The following METTL25 variants were observed in gnomAD, a reference collection of about 807,000 sequenced individuals.
METTL25 encodes methyltransferase like 25.
Under a neutral mutation model 71.6 loss-of-function variants are expected in METTL25, and 64 were observed. That is an observed-to-expected ratio of 0.89 (90% confidence interval 0.73 to 1.10). The LOEUF is 1.10. Among genes scored for constraint, METTL25 ranks in the 50% least tolerant of loss-of-function variants. The pLI is 0.00. For synonymous variants in METTL25, 287 were observed against 250.3 expected (o/e 1.15, Z -1.38); for missense variants, 807 against 707.0 (o/e 1.14, Z -1.60).
rs61995926 is a variant in METTL25, at chr12:82,398,892, C to G, written c.629C>G (p.Thr210Ser). ...VYGIDSSNTN[T>S]HGAEERNRKL... ...GGAATTGATTCTTCAAATACCAATA[C>G]TCATGGAGCTGAGGAGAGAAACAGA... Residue 210 changes from threonine to serine, a missense_variant, in exon 4 of 12, where the codon ACT becomes AGT. Physicochemically the swap from Thr to Ser is moderately conservative, Grantham distance 58. Transcript: ENST00000248306. 1 of 1,611,620 alleles carries G rather than the reference C, an allele frequency of 6.2e-7. No individual in the cohort carries two copies. Among genetic ancestry groups the G allele is most frequent in the Non-Finnish European group, 8.5e-7 (1 of 1,179,176 alleles).
chr12:82,381,696 C>T (rs1026075328), intron 1 of METTL25, among the ~76,000 whole-genome samples: 7 of 152,192 alleles, frequency 4.6e-5, no homozygotes, highest in Non-Finnish European at 1.0e-4. Context: ...CAGACTTTAG[C>T]TTTCGGTTAA....
At chr12:82,427,468 C>T (rs1889122740) in intron 5 of METTL25, among the ~76,000 whole-genome samples, 1 of 151,868 alleles carries the variant, frequency 6.6e-6, no homozygotes, top group African/African-American at 2.4e-5. Flanking sequence ...ATGCTGTACC[C>T]CTTTCAATCT....
At chr12:82,418,718 A>G (rs1212506918) in intron 5 of METTL25, among the ~76,000 whole-genome samples, 2 of 152,180 alleles carry the variant, frequency 1.3e-5, no homozygotes, top group East Asian at 1.9e-4. Flanking sequence ...AATATGTACC[A>G]TAGATTGAGG....
intron 8 of METTL25, among the ~76,000 whole-genome samples, chr12:82,447,291 A>G (rs978611506): frequency 6.6e-6 from 1 of 152,176 alleles, no homozygotes; most frequent in Non-Finnish European, 1.5e-5. Context: ...AAACTTTTAC[A>G]AGAATGATCA....
intron 5 of METTL25, among the ~76,000 whole-genome samples, chr12:82,428,986 C>G (rs1343237394): frequency 6.6e-6 from 1 of 151,788 alleles, no homozygotes; most frequent in Non-Finnish European, 1.5e-5. Context: ...GTGTAATGAT[C>G]AAGCCAGGGT....
intron 8 of METTL25, among the ~76,000 whole-genome samples, chr12:82,454,557 G>A (rs1476992092): frequency 2.6e-5 from 4 of 151,894 alleles, no homozygotes; most frequent in Non-Finnish European, 5.9e-5. Context: ...GTCTTATATA[G>A]CAAATCACTG....
chr12:82,447,868 C>G (rs1324487659), intron 8 of METTL25, among the ~76,000 whole-genome samples: 2 of 151,904 alleles, frequency 1.3e-5, no homozygotes, highest in African/African-American at 4.8e-5. Context: ...TCAGTTGAGC[C>G]ACATATTATA....
chr12:82,378,804 G>T (rs1055542330), intron 1 of METTL25, among the ~76,000 whole-genome samples: 5 of 152,110 alleles, frequency 3.3e-5, no homozygotes, highest in Non-Finnish European at 7.4e-5. Flanking sequence ...GAGGTGGGGG[G>T]ATTGCTTGAG....
At chr12:82,445,689 G>A (rs924465781) in intron 8 of METTL25, among the ~76,000 whole-genome samples, 5 of 152,172 alleles carry the variant, frequency 3.3e-5, no homozygotes, top group Non-Finnish European at 5.9e-5. Context: ...ATGCAGAGAA[G>A]TCATGACATT....
chr12:82,456,807 T>A lies in METTL25; in HGVS notation c.1559T>A (p.Leu520Ter), dbSNP rs1172687783. The part of the protein sequence containing the change: ...YVRRSLKKLG[L>*]DESKLPEKII... ...AGACGGTCTCTAAAGAAGCTTGGAT[T>A]AGATGAGTCCAAGGTCAGTATATGA... The change falls in exon 9 of 12, where the codon TTA becomes TAA. Residue 520 changes from leucine to a stop codon, truncating the protein, a stop_gained. Transcript: ENST00000248306. LOFTEE classifies it high-confidence loss of function. 6.3e-7 allele frequency: 1 copy of A among 1,582,378 alleles called. No individual in the cohort carries two copies. The highest frequency in any genetic ancestry group is 1.7e-4 in the Middle Eastern group (1 of 5,766).
intron 1 of METTL25, among the ~76,000 whole-genome samples, chr12:82,377,320 G>A (rs1358551939): frequency 1.3e-5 from 2 of 152,116 alleles, no homozygotes; most frequent in Admixed American, 6.6e-5. Flanking sequence ...CAATAAGCTT[G>A]CCTTTATTAT....
rs541025489 is a variant in METTL25 at position 82,420,985 on chromosome 12, C to T, written c.1280-9908C>T. Among the ~76,000 whole-genome samples the T allele has an allele frequency of 2.6e-5, 4 of 152,132 alleles. No homozygotes were observed. The East Asian group carries it at 5.8e-4, about 22-fold the overall frequency. On this transcript the variant is annotated intron_variant, in intron 5 of 11. Transcript: ENST00000248306. Reference sequence around the variant, plus strand: ...CAAGAGATTCTCCTGCCTCAGCCTCCGAAGTAGCTCGGATTACAGGTGCCC... The same window carrying T: ...CAAGAGATTCTCCTGCCTCAGCCTCTGAAGTAGCTCGGATTACAGGTGCCC...
chr12:82,372,950 A>C (rs933794469), intron 1 of METTL25, among the ~76,000 whole-genome samples: 40 of 152,166 alleles, frequency 2.6e-4, no homozygotes, highest in African/African-American at 9.7e-4. Flanking sequence ...GCAGCAGCAG[A>C]AACACTAGTT....
chr12:82,411,770 A>G (rs1362066250), intron 5 of METTL25, among the ~76,000 whole-genome samples: 1 of 152,088 alleles, frequency 6.6e-6, no homozygotes, highest in Non-Finnish European at 1.5e-5. Context: ...ATCAAAGCAT[A>G]CTACTCTGGT....
intron 9 of METTL25, among the ~76,000 whole-genome samples, chr12:82,463,488 T>G (rs1762834171): frequency 6.6e-6 from 1 of 152,074 alleles, no homozygotes; most frequent in Non-Finnish European, 1.5e-5. Flanking sequence ...AATCTGTTGA[T>G]GGACACCAAG....
chr12:82,360,757 C>T (rs115870597), intron 1 of METTL25, among the ~76,000 whole-genome samples: 247 of 152,120 alleles, frequency 1.6e-3, no homozygotes, highest in African/African-American at 5.6e-3. Context: ...GTCTTGTGTC[C>T]GGAATTGTTA....
intron 9 of METTL25, among the ~76,000 whole-genome samples, chr12:82,463,701 A>G (rs918318131): frequency 2.6e-5 from 4 of 151,974 alleles, no homozygotes; most frequent in African/African-American, 9.7e-5. Flanking sequence ...ATTCTCACCA[A>G]CAGTCTATAG....
intron 5 of METTL25, among the ~76,000 whole-genome samples, chr12:82,421,629 C>A (rs1426832866): frequency 6.6e-6 from 1 of 151,858 alleles, no homozygotes; most frequent in African/African-American, 2.4e-5. Flanking sequence ...TAAAGATCAA[C>A]AAAATTGATA....
chr12:82,406,982 CT>C (rs1481356308), intron 5 of METTL25, among the ~76,000 whole-genome samples: 2 of 150,536 alleles, frequency 1.3e-5, no homozygotes, highest in African/African-American at 4.9e-5. Flanking sequence ...TTGTAATTGT[CT>C]TTTCTTCTGT....
Sources: allele counts gnomAD v4.1 joint callset (sites outside exome capture counted in the v4.1 genomes callset), GRCh38; gene constraint gnomAD v4.1.1; transcripts MANE v1.5; gene names NCBI Gene and HGNC (gene_info 2026-07-23, HGNC 2026-07-21).